Variants in FHIT observed in about 807,000 individuals in gnomAD.
The protein encoded by FHIT is fragile histidine triad diadenosine triphosphatase.
Under a neutral mutation model 17.9 loss-of-function variants are expected in FHIT, and 19 were observed. That is an observed-to-expected ratio of 1.06 (90% CI 0.74 to 1.56). The LOEUF (loss-of-function observed/expected upper bound fraction) is 1.56. Among genes scored for constraint, FHIT ranks in the 40% most tolerant of loss-of-function variants. The pLI, the probability that FHIT is intolerant of heterozygous loss-of-function variation, is 0.00. For missense variants in FHIT, 248 were observed against 189.2 expected (o/e 1.31, Z -1.82); for synonymous variants, 81 against 69.7 (o/e 1.16, Z -0.81).
At chr3:61,246,998 A>G (rs1486441290) in intron 1 of FHIT, among the ~76,000 whole-genome samples, 6 of 151,766 alleles carry the variant, frequency 4.0e-5, no homozygotes, top group African/African-American at 7.3e-5. Flanking sequence ...TCAAATCCCA[A>G]CATCCCCTCC....
chr3:60,874,080 C>T (rs1438136371), intron 3 of FHIT, among the ~76,000 whole-genome samples: 3 of 152,108 alleles, frequency 2.0e-5, no homozygotes, highest in Non-Finnish European at 2.9e-5. Flanking sequence ...TGAGCACACC[C>T]CTACTTATGA....
chr3:60,500,613 T>C lies in FHIT; in HGVS notation c.103+36247A>G, dbSNP rs559450189. Reference sequence around the variant, plus strand: ...GGTAAAACCCCATCTCTACTAAAAATACAAAAAAAATTAGTAGGGTGTGGT... The same window carrying C: ...GGTAAAACCCCATCTCTACTAAAAACACAAAAAAAATTAGTAGGGTGTGGT... On this transcript the variant is annotated intron_variant, in intron 5 of 9. Coordinates refer to ENST00000492590, the MANE Select transcript of FHIT (RefSeq NM_002012.4). Among the ~76,000 whole-genome samples the C allele has an allele frequency of 2.5e-4, 35 of 142,184 alleles. No homozygotes were observed. The South Asian group carries it at 8.2e-3, about 33-fold the overall frequency. The allele number at this position is 142,184 out of a possible 152,430, so 93.3% of individuals were successfully genotyped here. A position where few individuals can be genotyped will look rare whatever the true frequency, so the allele number is the denominator to read the frequency against.
At chr3:61,064,684 C>T (rs2034541244) in intron 2 of FHIT, among the ~76,000 whole-genome samples, 2 of 152,172 alleles carry the variant, frequency 1.3e-5, no homozygotes, top group Admixed American at 6.5e-5. Flanking sequence ...CTTGAGAACG[C>T]CCACACGCTG....
intron 5 of FHIT, among the ~76,000 whole-genome samples, chr3:60,088,806 C>T (rs1407833217): frequency 6.6e-6 from 1 of 152,092 alleles, no homozygotes; most frequent in Non-Finnish European, 1.5e-5. Context: ...AGAAACTTGG[C>T]AGGTAATTAG....
chr3:60,671,676 A>G (rs2040507782), intron 4 of FHIT, among the ~76,000 whole-genome samples: 1 of 151,916 alleles, frequency 6.6e-6, no homozygotes. Flanking sequence ...GCAGTGGCTC[A>G]TGCCTGTAAT....
chr3:60,710,426 G>C (rs1373812052), intron 4 of FHIT, among the ~76,000 whole-genome samples: 1 of 152,214 alleles, frequency 6.6e-6, no homozygotes, highest in Non-Finnish European at 1.5e-5. Context: ...GGGCGCAGGA[G>C]AGTGGGTGCA....
chr3:60,804,810 C>T (rs1553733472), intron 4 of FHIT, among the ~76,000 whole-genome samples: 1 of 152,234 alleles, frequency 6.6e-6, no homozygotes, highest in African/African-American at 2.4e-5. Flanking sequence ...TAAATCTCAT[C>T]ATCCTCCAAA....
At chr3:60,690,194 G>A in intron 4 of FHIT, 1 of 480,672 alleles carries the variant, frequency 2.1e-6, no homozygotes, top group Middle Eastern at 7.6e-4. Flanking sequence ...GAAATGGTCT[G>A]GTGGTTAAGA....
At chr3:60,308,863 CAG>C (rs1170145143) in intron 5 of FHIT, among the ~76,000 whole-genome samples, 2 of 152,100 alleles carry the variant, frequency 1.3e-5, no homozygotes, top group South Asian at 2.1e-4. Context: ...CAAATACAAA[CAG>C]AGAGTATTTA....
chr3:59,871,696 A>G (rs911314325), intron 8 of FHIT, among the ~76,000 whole-genome samples: 1 of 152,214 alleles, frequency 6.6e-6, no homozygotes, highest in African/African-American at 2.4e-5. Flanking sequence ...GAGATTAGCA[A>G]TGTCTGCCGG....
At chr3:60,923,581 A>G (rs893142905) in intron 3 of FHIT, among the ~76,000 whole-genome samples, 3 of 152,186 alleles carry the variant, frequency 2.0e-5, no homozygotes, top group Non-Finnish European at 2.9e-5. Context: ...CACGAGGTGG[A>G]GCCAAGATGG....
At chr3:60,056,144 C>G (rs187492294) in intron 5 of FHIT, among the ~76,000 whole-genome samples, 25 of 152,280 alleles carry the variant, frequency 1.6e-4, no homozygotes, top group Middle Eastern at 3.4e-3. Context: ...CTTCCTGAGT[C>G]AGGTTTGGCA....
intron 5 of FHIT, among the ~76,000 whole-genome samples, chr3:60,337,921 C>T (rs565148834): frequency 6.6e-6 from 1 of 152,286 alleles, no homozygotes; most frequent in African/African-American, 2.4e-5. Flanking sequence ...GAAGTGTATC[C>T]TGGAATACAC....
At chr3:60,527,424 T>C (rs551555734) in intron 5 of FHIT, among the ~76,000 whole-genome samples, 5 of 152,260 alleles carry the variant, frequency 3.3e-5, no homozygotes, top group Non-Finnish European at 7.4e-5. Flanking sequence ...ATCTTAAAGA[T>C]AAAAAGAAGT....
intron 4 of FHIT, among the ~76,000 whole-genome samples, chr3:60,569,852 A>C (rs1390423052): frequency 6.7e-6 from 1 of 149,818 alleles, no homozygotes; most frequent in African/African-American, 2.5e-5. Flanking sequence ...CACAGGTTCA[A>C]GTGATTCTCC....
At chr3:59,884,514 A>G (rs868242853) in intron 8 of FHIT, among the ~76,000 whole-genome samples, 5 of 152,170 alleles carry the variant, frequency 3.3e-5, no homozygotes, top group Non-Finnish European at 4.4e-5. Context: ...ATGGTTGGAA[A>G]CTAGAGGCTA....
chr3:61,124,135 T>C (rs2036541879), intron 2 of FHIT, among the ~76,000 whole-genome samples: 1 of 152,148 alleles, frequency 6.6e-6, no homozygotes, highest in Non-Finnish European at 1.5e-5. Flanking sequence ...ACATAACAAG[T>C]CTGGGTTGAG....
chr3:60,821,569 A>G (rs555100374), intron 4 of FHIT, among the ~76,000 whole-genome samples: 20 of 152,328 alleles, frequency 1.3e-4, no homozygotes, highest in Admixed American at 7.8e-4. Context: ...ACACGTAAAA[A>G]TTATTAAATA....
At chr3:60,196,261 C>A (rs752813244) in intron 5 of FHIT, among the ~76,000 whole-genome samples, 1 of 152,086 alleles carries the variant, frequency 6.6e-6, no homozygotes, top group African/African-American at 2.4e-5. Context: ...GTTCAGAATC[C>A]ATTCCCTTAC....
Sources: gnomAD v4.1 joint callset for allele counts (sites outside exome capture counted in the v4.1 genomes callset) on GRCh38, gnomAD v4.1.1 for gene constraint, MANE v1.5 for transcripts, NCBI Gene and HGNC (gene_info 2026-07-23, HGNC 2026-07-21) for gene names.